The following ITGBL1 variants were observed in gnomAD, a reference collection of about 807,000 sequenced individuals.
ITGBL1 encodes the protein integrin beta-like protein 1.
In ITGBL1, 51 loss-of-function variants were observed where a neutral mutation model predicts 68.5. That is an observed-to-expected ratio of 0.74 (90% CI 0.59 to 0.94). The LOEUF is 0.94. ITGBL1 is among the 40% of genes least tolerant of loss of function. ITGBL1 has a pLI of 0.00. For missense variants in ITGBL1, 649 were observed against 647.4 expected (o/e 1.00, Z -0.03); for synonymous variants, 209 against 227.3 (o/e 0.92, Z 0.72).
At chr13:101,508,577 C>T (rs2049062489) in intron 2 of ITGBL1, among the ~76,000 whole-genome samples, 2 of 152,070 alleles carry the variant, frequency 1.3e-5, no homozygotes, top group African/African-American at 4.8e-5. Flanking sequence ...GCTAATTTTT[C>T]TCACTAAAGC....
chr13:101,592,167 C>A (rs969793515), intron 6 of ITGBL1, among the ~76,000 whole-genome samples: 3 of 152,086 alleles, frequency 2.0e-5, no homozygotes, highest in Non-Finnish European at 4.4e-5. Flanking sequence ...CAATTCTTTG[C>A]AAACTGTATA....
chr13:101,585,588 G>A (rs535073203), intron 6 of ITGBL1, among the ~76,000 whole-genome samples: 61 of 151,974 alleles, frequency 4.0e-4, no homozygotes, highest in African/African-American at 1.4e-3. Context: ...CCACCACCAC[G>A]CCCGGCTTAT....
rs2048181816 is a variant in ITGBL1, at chr13:101,452,763, T to G, written c.-71T>G. 1 of 1,270,776 alleles carries G rather than the reference T, an allele frequency of 7.9e-7. No individual in the cohort carries two copies. The highest frequency in any genetic ancestry group is 1.5e-5 in the African/African-American group (1 of 68,240). 78.7% of individuals were successfully genotyped at this position (1,270,776 alleles called of 1,614,324 possible). A position where few individuals can be genotyped will look rare whatever the true frequency, so the allele number is the denominator to read the frequency against. On this transcript the variant is annotated 5_prime_UTR_variant, in exon 1 of 11. Coordinates refer to ENST00000376180, the MANE Select transcript of ITGBL1 (RefSeq NM_004791.3). ...GCCATCTGCTGGTGGCACCTCTCCC[T>G]CCTGCCGCCTCCCTCGGTGAACCCC...
intron 2 of ITGBL1, among the ~76,000 whole-genome samples, chr13:101,516,676 C>T (rs768668455): frequency 1.3e-5 from 2 of 152,080 alleles, no homozygotes; most frequent in Non-Finnish European, 2.9e-5. Flanking sequence ...ACAAGCAAGG[C>T]AAATTTTCAG....
At chr13:101,589,613 A>G (rs1231390028) in intron 6 of ITGBL1, among the ~76,000 whole-genome samples, 1 of 152,194 alleles carries the variant, frequency 6.6e-6, no homozygotes, top group Admixed American at 6.6e-5. Context: ...CCACTTTGAT[A>G]CTTTCCTGTT....
At chr13:101,461,548 T>C (rs1415180515) in intron 2 of ITGBL1, among the ~76,000 whole-genome samples, 6 of 152,018 alleles carry the variant, frequency 3.9e-5, no homozygotes, top group Non-Finnish European at 7.4e-5. Context: ...TTTTTAAAAA[T>C]TGCCAGACCC....
At chr13:101,538,772 G>A (rs765684878) in intron 2 of ITGBL1, among the ~76,000 whole-genome samples, 14 of 152,118 alleles carry the variant, frequency 9.2e-5, no homozygotes, top group Non-Finnish European at 1.8e-4. Flanking sequence ...AAAATTACAT[G>A]AGAGCAGAGA....
At chr13:101,606,164 A>G (rs962505774) in intron 7 of ITGBL1, among the ~76,000 whole-genome samples, 96 of 97,176 alleles carry the variant, frequency 9.9e-4, no homozygotes, top group South Asian at 1.2e-3. Context: ...AGTATATTCT[A>G]TTAGGATTTT....
chr13:101,605,704 A>G (rs980264965), intron 7 of ITGBL1, among the ~76,000 whole-genome samples: 3 of 151,518 alleles, frequency 2.0e-5, no homozygotes, highest in Non-Finnish European at 1.5e-5. Context: ...ATGTAGACTT[A>G]TGTATGTGCG....
rs66501713 is a variant in ITGBL1, at chr13:101,671,426, G to GTTTTTTTTTTTT, written c.1016-21149_1016-21148insTTTTTTTTTTTT. 2.6e-3 allele frequency among the ~76,000 whole-genome samples: 294 copies of GTTTTTTTTTTTT among 112,608 alleles called. 64 individuals are homozygous for GTTTTTTTTTTTT. Among genetic ancestry groups the GTTTTTTTTTTTT allele is most frequent in the East Asian group, 0.011 (31 of 2,838 alleles). 73.9% of individuals were successfully genotyped at this position (112,608 alleles called of 152,430 possible). On this transcript the variant is annotated intron_variant, in intron 7 of 10. Coordinates refer to ENST00000376180, the MANE Select transcript of ITGBL1 (RefSeq NM_004791.3). ...AGCTATTTGACAAAAGTATACCTTT[G>GTTTTTTTTTTTT]TTTTTTTTTTGTTTTTTTTTGTTTT... is the stretch of plus-strand genomic sequence containing the variant.
In ITGBL1 at chr13:101,575,474, C is replaced by CT; in HGVS notation, c.516dup (p.Val173CysfsTer4). The CT allele has an allele frequency of 6.2e-7, 1 of 1,612,640 alleles. No individual in the cohort carries two copies. The highest frequency in any genetic ancestry group is 2.2e-5 in the East Asian group (1 of 44,818). On this transcript the variant is annotated frameshift_variant, in exon 4 of 11. Transcript: ENST00000376180. LOFTEE classifies it high-confidence loss of function. ...GTGTGATAATTCAGATGGAAGTGGA[C>CT]TTGTGTATGGTAAATTTTGTGAGTG... is the stretch of plus-strand genomic sequence containing the variant.
chr13:101,579,071 G>A (rs1366042361), intron 4 of ITGBL1, among the ~76,000 whole-genome samples: 1 of 152,196 alleles, frequency 6.6e-6, no homozygotes, highest in East Asian at 1.9e-4. Flanking sequence ...TCTAGGCCAA[G>A]TTAAAGGACA....
intron 7 of ITGBL1, among the ~76,000 whole-genome samples, chr13:101,671,501 T>G (rs4771407): frequency 7.3e-6 from 1 of 137,300 alleles, no homozygotes; most frequent in Non-Finnish European, 1.6e-5. Flanking sequence ...TGCAGTGGCG[T>G]GATCTCGGCT....
At chr13:101,704,037 A>G (rs1185364167) in intron 8 of ITGBL1, among the ~76,000 whole-genome samples, 5 of 152,082 alleles carry the variant, frequency 3.3e-5, no homozygotes, top group Non-Finnish European at 5.9e-5. Flanking sequence ...AATTGCCCAC[A>G]AGTGTGTTGA....
intron 2 of ITGBL1, among the ~76,000 whole-genome samples, chr13:101,459,609 G>T (rs896116671): frequency 4.6e-5 from 7 of 152,084 alleles, no homozygotes; most frequent in African/African-American, 1.7e-4. Context: ...TGGGCATGGT[G>T]CACACCTGTA....
At chr13:101,541,857 T>C (rs1430023773) in intron 2 of ITGBL1, among the ~76,000 whole-genome samples, 1 of 152,202 alleles carries the variant, frequency 6.6e-6, no homozygotes, top group Non-Finnish European at 1.5e-5. Context: ...GTGTTTATAG[T>C]ATTCTCTGAT....
intron 7 of ITGBL1, among the ~76,000 whole-genome samples, chr13:101,661,675 A>G (rs1283458107): frequency 2.0e-5 from 3 of 152,230 alleles, no homozygotes; most frequent in African/African-American, 7.2e-5. Flanking sequence ...TATATCTTTC[A>G]TCATGCTATT....
chr13:101,464,814 C>T (rs1164459926), intron 2 of ITGBL1, among the ~76,000 whole-genome samples: 3 of 152,156 alleles, frequency 2.0e-5, no homozygotes, highest in Admixed American at 1.3e-4. Flanking sequence ...AAATGTTATA[C>T]ACAGGGACAT....
At chr13:101,686,374 T>C (rs1009865673) in intron 7 of ITGBL1, among the ~76,000 whole-genome samples, 3 of 152,188 alleles carry the variant, frequency 2.0e-5, no homozygotes, top group African/African-American at 7.2e-5. Context: ...TGGATTATGC[T>C]GAGATAATTT....
Sources: allele counts gnomAD v4.1 joint callset (sites outside exome capture counted in the v4.1 genomes callset), GRCh38; gene constraint gnomAD v4.1.1; transcripts MANE v1.5; gene names NCBI Gene and HGNC (gene_info 2026-07-23, HGNC 2026-07-21).